The following AUTS2 variants were observed in gnomAD, a reference collection of about 807,000 sequenced individuals.
AUTS2 encodes the protein autism susceptibility gene 2 protein.
AUTS2 carries 17 observed loss-of-function variants against 112.4 expected under a neutral mutation model. The ratio of observed to expected loss-of-function variants is 0.15; its 90% CI spans 0.10 to 0.23. AUTS2 has a LOEUF of 0.23. Ranked by LOEUF, AUTS2 falls within the 10% of genes least tolerant of loss-of-function variation. The pLI is 1.00. For missense variants in AUTS2, 1,510 were observed against 1,701.6 expected, an observed-to-expected ratio of 0.89 and a Z score of 1.98; for synonymous variants, 751 against 702.7, an observed-to-expected ratio of 1.07 and a Z score of -1.09.
intron 1 of AUTS2, among the ~76,000 whole-genome samples, chr7:69,704,259 T>A (rs1336108304): frequency 6.6e-6 from 1 of 152,164 alleles, no homozygotes; most frequent in Admixed American, 6.5e-5. Flanking sequence ...TTAGGCTCTC[T>A]ACAGTCTGGC....
intron 1 of AUTS2, among the ~76,000 whole-genome samples, chr7:69,801,520 T>G (rs1412391294): frequency 6.7e-6 from 1 of 150,324 alleles, no homozygotes; most frequent in South Asian, 2.1e-4. Context: ...AAATATAAGA[T>G]ATATAGGTAT....
chr7:70,442,415 CT>C (rs1288844609), intron 5 of AUTS2, among the ~76,000 whole-genome samples: 2 of 152,206 alleles, frequency 1.3e-5, no homozygotes, highest in African/African-American at 4.8e-5. Flanking sequence ...TACAATATAT[CT>C]AAGCCATTTA....
intron 4 of AUTS2, among the ~76,000 whole-genome samples, chr7:70,216,681 A>G (rs1811181074): frequency 6.6e-6 from 1 of 152,202 alleles, no homozygotes; most frequent in Non-Finnish European, 1.5e-5. Flanking sequence ...ACTTTGAGGT[A>G]TACATTCTAC....
At chr7:70,731,185 T>G (rs1418416560) in intron 6 of AUTS2, among the ~76,000 whole-genome samples, 2 of 152,160 alleles carry the variant, frequency 1.3e-5, no homozygotes, top group Non-Finnish European at 1.5e-5. Flanking sequence ...TTCTCCCATT[T>G]TGTGAGTTTT....
chr7:69,599,978 C>G lies in AUTS2; in HGVS notation c.309+16C>G, dbSNP rs975543584. 1.9e-6 allele frequency: 3 copies of G among 1,612,366 alleles called. No individual in the cohort carries two copies. Among genetic ancestry groups the G allele is most frequent in the African/African-American group, 1.3e-5 (1 of 74,764 alleles). On this transcript the variant is annotated intron_variant, in intron 1 of 18. Transcript: ENST00000342771. This position sits in a 1 kb window ranked among gnomAD's most constrained non-coding sequence, Gnocchi z 7.0. Reference sequence around the variant, plus strand: ...AGCGCTGGAGGTAAGGGGGACCCCCCTTCCCCCGGGTTCCCTTTATGCACG... The same window carrying G: ...AGCGCTGGAGGTAAGGGGGACCCCCGTTCCCCCGGGTTCCCTTTATGCACG...
chr7:70,238,618 C>T (rs1205216034), intron 4 of AUTS2, among the ~76,000 whole-genome samples: 2 of 152,120 alleles, frequency 1.3e-5, no homozygotes, highest in Non-Finnish European at 2.9e-5. Context: ...CATTTTATGT[C>T]TCCTCCTTGC....
At chr7:70,568,875 A>G (rs576855576) in intron 5 of AUTS2, among the ~76,000 whole-genome samples, 9 of 152,340 alleles carry the variant, frequency 5.9e-5, no homozygotes, top group African/African-American at 2.2e-4. Context: ...ACATGACCTC[A>G]GGGTTACTTT....
intron 4 of AUTS2, among the ~76,000 whole-genome samples, chr7:70,250,442 C>T (rs1367646382): frequency 6.6e-6 from 1 of 152,232 alleles, no homozygotes; most frequent in Non-Finnish European, 1.5e-5. Context: ...CACCCACCTC[C>T]ATTCTCTGCC....
intron 5 of AUTS2, among the ~76,000 whole-genome samples, chr7:70,473,747 C>T (rs529142831): frequency 9.9e-5 from 15 of 151,030 alleles, no homozygotes; most frequent in African/African-American, 3.4e-4. Context: ...TGGAAGCGCC[C>T]CCCAGATGAT....
intron 4 of AUTS2, among the ~76,000 whole-genome samples, chr7:70,185,656 A>G (rs1809562984): frequency 6.6e-6 from 1 of 152,188 alleles, no homozygotes; most frequent in Non-Finnish European, 1.5e-5. Context: ...TTTTCATTCT[A>G]CTTTTGGAGA....
chr7:70,259,527 T>C (rs1437099383), intron 4 of AUTS2, among the ~76,000 whole-genome samples: 1 of 152,174 alleles, frequency 6.6e-6, no homozygotes, highest in Non-Finnish European at 1.5e-5. Flanking sequence ...GCCTAATTCC[T>C]TCCCCTGTTG....
At chr7:69,740,761 A>C (rs1787230437) in intron 1 of AUTS2, among the ~76,000 whole-genome samples, 1 of 152,124 alleles carries the variant, frequency 6.6e-6, no homozygotes, top group African/African-American at 2.4e-5. Context: ...ACCTTAGGTA[A>C]TCTGCCCGCC....
intron 5 of AUTS2, among the ~76,000 whole-genome samples, chr7:70,641,958 C>G (rs1440265337): frequency 6.6e-6 from 1 of 152,198 alleles, no homozygotes; most frequent in Admixed American, 6.5e-5. Context: ...AGGTTGCCCT[C>G]AACTTCTCCC....
chr7:70,774,061 G>A lies in AUTS2; in HGVS notation c.1864G>A (p.Gly622Arg). ...CCCTATCGATGTCGCTGCTCGGCCTGGGACAGTCCCACACACTTTACTCCA... is the reference window on the plus strand; with the variant it reads ...CCCTATCGATGTCGCTGCTCGGCCTAGGACAGTCCCACACACTTTACTCCA... ...SNPIDVAARP[G>R]TVPHTLLQKD... The change falls in exon 12 of 19, where the codon GGG (glycine) becomes AGG (arginine). Residue 622 changes from glycine to arginine, a missense_variant. Transcript: ENST00000342771. The A allele has an allele frequency of 6.2e-7, 1 of 1,614,178 alleles. No homozygotes were observed. Among genetic ancestry groups the A allele is most frequent in the Non-Finnish European group, 8.5e-7 (1 of 1,180,032 alleles).
At chr7:70,493,223 G>A (rs1327073331) in intron 5 of AUTS2, among the ~76,000 whole-genome samples, 2 of 152,196 alleles carry the variant, frequency 1.3e-5, no homozygotes, top group East Asian at 3.8e-4. Context: ...AAGGAAAGGG[G>A]AAAATGTTAT....
chr7:70,072,632 G>A (rs1347027556), intron 2 of AUTS2, among the ~76,000 whole-genome samples: 1 of 152,172 alleles, frequency 6.6e-6, no homozygotes, highest in Non-Finnish European at 1.5e-5. Flanking sequence ...CCTGATTTAT[G>A]CACAGGTTCG....
chr7:70,271,123 T>G lies in AUTS2; in HGVS notation c.660+136552T>G, dbSNP rs1216124445. ...TCCTTGGCCTCTCTTCTGCACTGCT[T>G]ACCTTACAGCAGTTAAGCATGAGGG... On this transcript the variant is annotated intron_variant, in intron 4 of 18. Transcript: ENST00000342771. Among the ~76,000 whole-genome samples the G allele has an allele frequency of 1.3e-5, 2 of 152,136 alleles. 1 individual carries two copies. The highest frequency in any genetic ancestry group is 2.9e-5 in the Non-Finnish European group (2 of 68,026).
chr7:70,469,620 C>T (rs189973486), intron 5 of AUTS2, among the ~76,000 whole-genome samples: 112 of 152,142 alleles, frequency 7.4e-4, no homozygotes, highest in Middle Eastern at 3.4e-3. Context: ...AGATCCGACT[C>T]GTGGTTTGTT....
At chr7:69,709,163 A>C (rs1798195202) in intron 1 of AUTS2, among the ~76,000 whole-genome samples, 1 of 152,208 alleles carries the variant, frequency 6.6e-6, no homozygotes, top group Non-Finnish European at 1.5e-5. Context: ...ACTACCTTGG[A>C]AGAATTGGCT....
Sources: allele counts gnomAD v4.1 joint callset (sites outside exome capture counted in the v4.1 genomes callset), GRCh38; gene constraint gnomAD v4.1.1; non-coding constraint Gnocchi (gnomAD v3.1); transcripts MANE v1.5; gene names NCBI Gene and HGNC (gene_info 2026-07-23, HGNC 2026-07-21).